PCDH12: variants seen among roughly 807,000 people sequenced by gnomAD.
The protein encoded by PCDH12 is protocadherin 12, also known as protocadherin-12.
PCDH12 carries 45 observed loss-of-function variants against 70.9 expected under a neutral mutation model. The observed-to-expected ratio is 0.63, with a 90% CI of 0.50 to 0.81. The LOEUF (loss-of-function observed/expected upper bound fraction) is 0.81, where lower values mean the gene tolerates loss of function less well. Ranked by LOEUF, PCDH12 falls within the 40% of genes least tolerant of loss-of-function variation. The pLI is 0.00. For missense variants in PCDH12, 1,370 were observed against 1,491.7 expected, an observed-to-expected ratio of 0.92 and a Z score of 1.34; for synonymous variants, 567 against 626.0, an observed-to-expected ratio of 0.91 and a Z score of 1.41.
At position 141,956,360 on chromosome 5, in the gene PCDH12, G is replaced by T. The variant is rs780920819; in HGVS notation, c.1492C>A (p.Arg498Ser). The T allele has an allele frequency of 6.2e-7, 1 of 1,614,182 alleles. No individual in the cohort carries two copies. The highest frequency in any genetic ancestry group is 2.2e-5 in the East Asian group (1 of 44,892). Residue 498 changes from arginine to serine, a missense_variant, in exon 1 of 4, where the codon CGC becomes AGC. Transcript: ENST00000231484. ...DLGINGKVSYRIQDSPVAHLV... is the reference protein window; with the variant it reads ...DLGINGKVSYSIQDSPVAHLV... The stretch of plus-strand genomic sequence containing the variant: ...TGAGCAACTGGGGAGTCCTGGATGC[G>T]GTATGAGACTTTTCCATTAATGCCC...
Position 141,956,845 on chromosome 5 carries a change from C to A in PCDH12, c.1007G>T (p.Cys336Phe), listed in dbSNP as rs775963080. 6.2e-7 allele frequency: 1 copy of A among 1,614,228 alleles called. No individual in the cohort carries two copies. Among genetic ancestry groups the A allele is most frequent in the East Asian group, 2.2e-5 (1 of 44,880 alleles). Residue 336 changes from cysteine to phenylalanine, a missense_variant, in exon 1 of 4, where the codon TGC becomes TTC. Cys to Phe is a radical substitution (Grantham distance 205). Transcript: ENST00000231484. ...ATCCAGAACCTTGATGAGAACTTTG[C>A]AATGGGCTGGGATAGGATTGGGACC... ...DLGPNPIPAH[C>F]KVLIKVLDVN...
In PCDH12 at chr5:141,957,372, A is replaced by G; in HGVS notation, c.480T>C (p.Leu160=). 1 of 1,613,872 alleles carries G rather than the reference A, an allele frequency of 6.2e-7. No homozygotes were observed. Among genetic ancestry groups the G allele is most frequent in the Non-Finnish European group, 8.5e-7 (1 of 1,179,858 alleles). Residue 160 remains leucine (L), a synonymous_variant, in exon 1 of 4, where the codon CTT becomes CTC. Coordinates refer to ENST00000231484, the MANE Select transcript of PCDH12 (RefSeq NM_016580.4). This position sits in a 1 kb window ranked among gnomAD's most constrained non-coding sequence, Gnocchi z 4.3. ...GGGTGTTAGGGCCTGTGTCTGGGTCAAGAGCTCTGTCCAGGGGGATCCGGG... is the reference window on the plus strand; with the variant it reads ...GGGTGTTAGGGCCTGTGTCTGGGTCGAGAGCTCTGTCCAGGGGGATCCGGG... ...LRTRIPLDRA[L]DPDTGPNTLH... is the part of the protein sequence containing the mutation.
chr5:141,946,103 G>A (rs2126915595), intron 3 of PCDH12, among the ~76,000 whole-genome samples: 1 of 152,318 alleles, frequency 6.6e-6, no homozygotes, highest in East Asian at 1.9e-4. Context: ...CTGGGCGTGT[G>A]TTTCCAGTCT....
rs760857936 is a variant in PCDH12 at position 141,955,285 on chromosome 5, C to T, written c.2567G>A (p.Arg856Lys). The change falls in exon 1 of 4, where the codon AGG (arginine) becomes AAG (lysine). Residue 856 changes from arginine to lysine, a missense_variant. Transcript: ENST00000231484. The surrounding 1 kb of genome is among the most constrained non-coding windows in gnomAD (Gnocchi z 5.5). ...VNLLFNHPRQ[R>K]NASRENLNLP... ...GTTCAGGTTCTCCCGGGAGGCATTC[C>T]TCTGCCTGGGATGGTTGAAAAGGAG... The T allele has an allele frequency of 6.2e-7, 1 of 1,614,220 alleles. No individual in the cohort carries two copies. The highest frequency in any genetic ancestry group is 2.2e-5 in the East Asian group (1 of 44,874).
At position 141,945,190 on chromosome 5, in the gene PCDH12, G is replaced by T; in HGVS notation, c.*191C>A. On this transcript the variant is annotated 3_prime_UTR_variant, in exon 4 of 4. Coordinates refer to ENST00000231484, the MANE Select transcript of PCDH12 (RefSeq NM_016580.4). ...CCTGTCCTCCAAAAGACTCAGAGCT[G>T]CTTACAAGGGGCTGCTTTGGTCAGT... The T allele has an allele frequency of 2.9e-6, 2 of 696,586 alleles. No individual in the cohort carries two copies. Among genetic ancestry groups the T allele is most frequent in the South Asian group, 1.8e-5 (1 of 55,406 alleles). The allele number at this position is 696,586 out of a possible 1,614,324, so 43.2% of individuals were successfully genotyped here. A position where few individuals can be genotyped will look rare whatever the true frequency, so the allele number is the denominator to read the frequency against.
Position 141,951,509 on chromosome 5 carries a change from T to G in PCDH12, c.2962A>C (p.Lys988Gln). The G allele has an allele frequency of 3.1e-6, 5 of 1,614,152 alleles. No individual in the cohort carries two copies. Among genetic ancestry groups the G allele is most frequent in the Non-Finnish European group, 4.2e-6 (5 of 1,179,996 alleles). ...GCTGCTTACCTGCTGCCTCCTGGCT[T>G]GGCCAAGTACTTATTTCCTCGGTGG... ...PNHRGNKYLA[K>Q]PGGSRSAIPD... is the part of the protein sequence containing the mutation. The change falls in exon 2 of 4, where the codon AAG (lysine) becomes CAG (glutamine). Residue 988 changes from lysine to glutamine, a missense_variant. Lys to Gln is a moderately conservative substitution (Grantham distance 53, BLOSUM62 1). Coordinates refer to ENST00000231484, the MANE Select transcript of PCDH12 (RefSeq NM_016580.4).
intron 1 of PCDH12, chr5:141,952,894 C>G (rs1245863263): frequency 6.6e-6 from 1 of 152,238 alleles, no homozygotes; most frequent in Non-Finnish European, 1.5e-5. Flanking sequence ...TCCACCATGC[C>G]CCTCTGTGCA....
chr5:141,956,129 C>T lies in PCDH12; in HGVS notation c.1723G>A (p.Ala575Thr), dbSNP rs762296316. The change falls in exon 1 of 4, where the codon GCC becomes ACC. Residue 575 changes from alanine (A) to threonine (T), a missense_variant. Transcript: ENST00000231484. The stretch of plus-strand genomic sequence containing the variant: ...GCATTCACAAGCACGGAGAGGCTGG[C>T]TTTTCCATCGCTGAGCACAGGCTGG... Reference protein sequence around the residue: ...VVQPVLSDGKASLSVLVNAST... With the variant: ...VVQPVLSDGKTSLSVLVNAST... The T allele has an allele frequency of 1.2e-6, 2 of 1,614,172 alleles. No homozygotes were observed. Among genetic ancestry groups the T allele is most frequent in the East Asian group, 2.2e-5 (1 of 44,872 alleles).
Position 141,957,993 on chromosome 5 carries a change from A to G in PCDH12, c.-142T>C, listed in dbSNP as rs1201149975. ...CGGCACAACCTTGTCCCATAGTTAG[A>G]TGATTATGAAACAAGCAGGACCCCA... On this transcript the variant is annotated 5_prime_UTR_variant, in exon 1 of 4. Coordinates refer to ENST00000231484, the MANE Select transcript of PCDH12 (RefSeq NM_016580.4). This position sits in a 1 kb window ranked among gnomAD's most constrained non-coding sequence, Gnocchi z 4.3. 3.2e-6 allele frequency: 3 copies of G among 948,604 alleles called. No homozygotes were observed. Among genetic ancestry groups the G allele is most frequent in the Non-Finnish European group, 4.6e-6 (3 of 650,394 alleles). 58.8% of individuals were successfully genotyped at this position (948,604 alleles called of 1,614,324 possible).
At chr5:141,945,840 G>A (rs1455190417) in intron 3 of PCDH12, 35 bp from the exon 4 acceptor site, 1 of 1,587,782 alleles carries the variant, frequency 6.3e-7, no homozygotes, top group African/African-American at 1.3e-5. Context: ...TGAGGGCCAG[G>A]CTCCGGGAAG....
At position 141,945,067 on chromosome 5, in the gene PCDH12, G is replaced by T; in HGVS notation, c.*314C>A. 2.9e-6 allele frequency: 1 copy of T among 347,282 alleles called. No individual in the cohort carries two copies. The highest frequency in any genetic ancestry group is 5.2e-6 in the Non-Finnish European group (1 of 190,950). 21.5% of individuals were successfully genotyped at this position (347,282 alleles called of 1,614,324 possible). A position where few individuals can be genotyped will look rare whatever the true frequency, so the allele number is the denominator to read the frequency against. ...CTACCCAAGAAGGCCACCCTTTCCTGCCTGTGATACTCCGTGGCATCTGTT... is the reference window on the plus strand; with the variant it reads ...CTACCCAAGAAGGCCACCCTTTCCTTCCTGTGATACTCCGTGGCATCTGTT... On this transcript the variant is annotated 3_prime_UTR_variant, in exon 4 of 4. Coordinates refer to ENST00000231484, the MANE Select transcript of PCDH12 (RefSeq NM_016580.4).
chr5:141,956,726 C>T lies in PCDH12; in HGVS notation c.1126G>A (p.Val376Ile). Reference sequence around the variant, plus strand: ...CCTGAATCCAAGTCATCTGCCATGACAAGAGCAATAAAACTGTCCTTGGGA... The same window carrying T: ...CCTGAATCCAAGTCATCTGCCATGATAAGAGCAATAAAACTGTCCTTGGGA... ...ALPKDSFIAL[V>I]MADDLDSGHN... The change falls in exon 1 of 4, where the codon GTC (valine) becomes ATC (isoleucine). Residue 376 changes from valine (V) to isoleucine (I), a missense_variant. Coordinates refer to ENST00000231484, the MANE Select transcript of PCDH12 (RefSeq NM_016580.4). 6.2e-7 allele frequency: 1 copy of T among 1,614,264 alleles called. No homozygotes were observed. The highest frequency in any genetic ancestry group is 8.5e-7 in the Non-Finnish European group (1 of 1,180,050).
Position 141,951,576 on chromosome 5 carries a change from C to T in PCDH12, c.2895G>A (p.Leu965=). 1.2e-6 allele frequency: 2 copies of T among 1,614,088 alleles called. No homozygotes were observed. Among genetic ancestry groups the T allele is most frequent in the Non-Finnish European group, 8.5e-7 (1 of 1,179,908 alleles). The change falls in exon 2 of 4, where the codon CTG becomes CTA. Residue 965 remains leucine, a synonymous_variant. Coordinates refer to ENST00000231484, the MANE Select transcript of PCDH12 (RefSeq NM_016580.4). ...DSPPVQQISQ[L]LSLLHQGQFQ... Reference sequence around the variant, plus strand: ...ATTGGCCCTGATGCAGCAAGGACAGCAGCTGGGAGATTTGCTACAAGACAG... The same window carrying T: ...ATTGGCCCTGATGCAGCAAGGACAGTAGCTGGGAGATTTGCTACAAGACAG...
At position 141,945,522 on chromosome 5, in the gene PCDH12, C is replaced by G; in HGVS notation, c.3414G>C (p.Arg1138=). The G allele has an allele frequency of 1.2e-6, 2 of 1,613,864 alleles. No individual in the cohort carries two copies. The highest frequency in any genetic ancestry group is 1.7e-6 in the Non-Finnish European group (2 of 1,179,950). The part of the protein sequence containing the change: ...PVEAASEALR[R]LSVCGRTLSL... The stretch of plus-strand genomic sequence containing the variant: ...TGAGGGTCCTCCCGCAGACCGAGAG[C>G]CGCCGCAGCGCCTCGGAGGCGGCCT... Residue 1138 remains arginine, a synonymous_variant, in exon 4 of 4, where the codon CGG becomes CGC. Coordinates refer to ENST00000231484, the MANE Select transcript of PCDH12 (RefSeq NM_016580.4).
At chr5:141,949,760 C>T (rs1753038652) in intron 2 of PCDH12, among the ~76,000 whole-genome samples, 177 bp from the exon 3 acceptor site, 1 of 151,990 alleles carries the variant, frequency 6.6e-6, no homozygotes, top group African/African-American at 2.4e-5. Context: ...TCTGTTTCCT[C>T]ATTTGTAAAA....
chr5:141,951,336 A>G (rs1157940866), intron 2 of PCDH12, among the ~76,000 whole-genome samples, 157 bp downstream of exon 2: 1 of 152,176 alleles, frequency 6.6e-6, no homozygotes, highest in Non-Finnish European at 1.5e-5. Context: ...CCTCACGACC[A>G]AAACTCCCAG....
Position 141,954,927 on chromosome 5 carries a change from T to C in PCDH12, c.2880+45A>G, listed in dbSNP as rs778277706. On this transcript the variant is annotated intron_variant, in intron 1 of 3. Transcript: ENST00000231484. ...TGGGGGTGTCTGATTCTGTTTCTGGTGGTCCAGGAGTGACCAGAGAAAGAG... is the reference window on the plus strand; with the variant it reads ...TGGGGGTGTCTGATTCTGTTTCTGGCGGTCCAGGAGTGACCAGAGAAAGAG... The C allele has an allele frequency of 2.6e-6, 4 of 1,556,486 alleles. No individual in the cohort carries two copies. In the South Asian group the frequency reaches 4.9e-5, roughly 19 times the overall value.
In PCDH12 at chr5:141,949,529, G is replaced by C; in HGVS notation, c.3033C>G (p.Asp1011Glu). ...GPSARAGGQT[D>E]PEQEEGPLDP... ...CCAAAGGCCCTTCCTCCTGTTCTGG[G>C]TCTGTCTGGCCTCCAGCCCTTGCAC... Residue 1011 changes from aspartate to glutamate, a missense_variant, in exon 3 of 4, where the codon GAC becomes GAG. Coordinates refer to ENST00000231484, the MANE Select transcript of PCDH12 (RefSeq NM_016580.4). 1 of 1,614,178 alleles carries C rather than the reference G, an allele frequency of 6.2e-7. No homozygotes were observed. The highest frequency in any genetic ancestry group is 8.5e-7 in the Non-Finnish European group (1 of 1,180,018).
rs767229820 is a variant in PCDH12, at chr5:141,955,907, G to T, written c.1945C>A (p.Leu649Ile). The T allele has an allele frequency of 6.2e-7, 1 of 1,614,202 alleles. No homozygotes were observed. Among genetic ancestry groups the T allele is most frequent in the Non-Finnish European group, 8.5e-7 (1 of 1,180,044 alleles). The change falls in exon 1 of 4, where the codon CTC (leucine) becomes ATC (isoleucine). Residue 649 changes from leucine to isoleucine, a missense_variant. Leu to Ile is a conservative substitution (Grantham distance 5, BLOSUM62 2). Coordinates refer to ENST00000231484, the MANE Select transcript of PCDH12 (RefSeq NM_016580.4). This position sits in a 1 kb window ranked among gnomAD's most constrained non-coding sequence, Gnocchi z 5.5. The part of the protein sequence containing the change: ...RSGNEAHLFI[L>I]NPHTGQLFVN... The stretch of plus-strand genomic sequence containing the variant: ...AACAGCTGCCCCGTATGAGGGTTGA[G>T]GATGAAGAGGTGGGCTTCATTTCCA...
Sources: gnomAD v4.1 joint callset for allele counts (sites outside exome capture counted in the v4.1 genomes callset) on GRCh38, gnomAD v4.1.1 for gene constraint, Gnocchi (gnomAD v3.1) non-coding constraint, MANE v1.5 for transcripts, NCBI Gene and HGNC (gene_info 2026-07-23, HGNC 2026-07-21) for gene names.